ANGPT2: variants seen among roughly 807,000 people sequenced by gnomAD.
ANGPT2 encodes the protein angiopoietin-2.
Under a neutral mutation model 62.9 loss-of-function variants are expected in ANGPT2, and 28 were observed. The observed-to-expected ratio is 0.44, with a 90% CI of 0.33 to 0.61. ANGPT2 has a LOEUF of 0.61. Among genes scored for constraint, ANGPT2 ranks in the 20% least tolerant of loss-of-function variants. The pLI, the probability that ANGPT2 is intolerant of heterozygous loss-of-function variation, is 0.03. For missense variants in ANGPT2, 727 were observed against 594.9 expected (o/e 1.22, Z -2.31); for synonymous variants, 284 against 207.8 (o/e 1.37, Z -3.15).
chr8:6,540,718 C>G (rs1821397787), intron 1 of ANGPT2, among the ~76,000 whole-genome samples: 1 of 152,288 alleles, frequency 6.6e-6, no homozygotes, highest in Non-Finnish European at 1.5e-5. Context: ...ACTGCCTTAG[C>G]TTGGGTTTCC....
chr8:6,519,735 T>C, intron 5 of ANGPT2, 129 bp downstream of exon 5: 1 of 1,163,074 alleles, frequency 8.6e-7, no homozygotes, highest in South Asian at 2.3e-5. Context: ...AGCTGCCCAG[T>C]AACTATGGCT....
At chr8:6,509,169 C>T (rs1814416815) in intron 7 of ANGPT2, 107 bp from the exon 8 acceptor site, 2 of 1,399,184 alleles carry the variant, frequency 1.4e-6, no homozygotes, top group African/African-American at 2.9e-5. Flanking sequence ...GTGTTCTGTA[C>T]TCGTTAATGG....
Position 6,556,877 on chromosome 8 carries a change from C to T in ANGPT2, c.288+5770G>A, listed in dbSNP as rs1226727052. ...GCTCTAGGATTACAGGTGTGAGGCA[C>T]TGTGCCTGGCTTTAGGCATTTTCTT... On this transcript the variant is annotated intron_variant, in intron 1 of 8. Transcript: ENST00000629816. 2.6e-5 allele frequency among the ~76,000 whole-genome samples: 4 copies of T among 152,184 alleles called. No homozygotes were observed. In the East Asian group the frequency reaches 5.8e-4, roughly 22 times the overall value.
chr8:6,513,895 A>G (rs1251555837), intron 6 of ANGPT2, 51 bp from the exon 7 acceptor site: 1 of 1,524,390 alleles, frequency 6.6e-7, no homozygotes, highest in Non-Finnish European at 8.9e-7. Flanking sequence ...TTTTCTTTGT[A>G]TATTTGAAGT....
Position 6,527,663 on chromosome 8 carries a change from G to A in ANGPT2, c.458C>T (p.Thr153Ile), listed in dbSNP as rs748520064. 1.9e-6 allele frequency: 3 copies of A among 1,613,574 alleles called. No individual in the cohort carries two copies. Among genetic ancestry groups the A allele is most frequent in the African/African-American group, 1.3e-5 (1 of 75,000 alleles). Residue 153 changes from threonine (T) to isoleucine (I), a missense_variant, in exon 3 of 9, where the codon ACC becomes ATC. Transcript: ENST00000629816. ...TDVEAQVLNQ[T>I]TRLELQLLEH... ...CAAGAGCTGAAGTTCAAGTCTCGTGGTCTGATTTAATACCTAAATGTAACA... is the reference window on the plus strand; with the variant it reads ...CAAGAGCTGAAGTTCAAGTCTCGTGATCTGATTTAATACCTAAATGTAACA...
chr8:6,501,545 TTTTC>T lies in ANGPT2; in HGVS notation c.*1552_*1555del, dbSNP rs1406414178. 4 of 151,244 alleles carry T rather than the reference TTTTC, an allele frequency of 2.6e-5. No individual in the cohort carries two copies. The highest frequency in any genetic ancestry group is 4.4e-5 in the Non-Finnish European group (3 of 67,888). The allele number at this position is 151,244 out of a possible 1,614,324, so 9.4% of individuals were successfully genotyped here. A position where few individuals can be genotyped will look rare whatever the true frequency, so the allele number is the denominator to read the frequency against. On this transcript the variant is annotated 3_prime_UTR_variant, in exon 9 of 9. Coordinates refer to ENST00000629816, the MANE Select transcript of ANGPT2 (RefSeq NM_001118887.2). The stretch of plus-strand genomic sequence containing the variant: ...TATAAAGCTGTGTTCTCAAATTTTC[TTTTC>T]TTTCTTTTTTTTTTTTTTTTTTTGA...
chr8:6,506,479 C>A (rs1225475618), intron 8 of ANGPT2, among the ~76,000 whole-genome samples: 4 of 152,114 alleles, frequency 2.6e-5, no homozygotes, highest in African/African-American at 9.7e-5. Context: ...TCCTACTCTC[C>A]TGAGAAGCTC....
chr8:6,562,734 C>T lies in ANGPT2; in HGVS notation c.201G>A (p.Arg67=). 2 of 1,613,808 alleles carry T rather than the reference C, an allele frequency of 1.2e-6. No homozygotes were observed. Among genetic ancestry groups the T allele is most frequent in the Non-Finnish European group, 1.7e-6 (2 of 1,179,976 alleles). Residue 67 remains arginine, a synonymous_variant, in exon 1 of 9, where the codon AGG becomes AGA. Coordinates refer to ENST00000629816, the MANE Select transcript of ANGPT2 (RefSeq NM_001118887.2). The part of the protein sequence containing the change: ...SSPYVSNAVQ[R]DAPLEYDDSV... Reference sequence around the variant, plus strand: ...AGTCATCGTATTCGAGCGGCGCGTCCCTCTGCACAGCATTGGACACGTAGG... The same window carrying T: ...AGTCATCGTATTCGAGCGGCGCGTCTCTCTGCACAGCATTGGACACGTAGG...
In ANGPT2 at chr8:6,527,588, G is replaced by C; in HGVS notation, c.533C>G (p.Thr178Ser). The change falls in exon 3 of 9, where the codon ACC becomes AGC. Residue 178 changes from threonine (T) to serine (S), a missense_variant. Thr to Ser is a moderately conservative substitution (Grantham distance 58, BLOSUM62 1). Transcript: ENST00000629816. ...NKLEKQILDQTSEINKLQDKN... is the reference protein window; with the variant it reads ...NKLEKQILDQSSEINKLQDKN... ...ATCTTGCAATTTGTTTATTTCACTG[G>C]TCTGGTCCAAAATCTGTTTTTCCAA... 2 of 1,613,916 alleles carry C rather than the reference G, an allele frequency of 1.2e-6. No individual in the cohort carries two copies. The highest frequency in any genetic ancestry group is 8.5e-7 in the Non-Finnish European group (1 of 1,179,958).
At chr8:6,544,845 T>C (rs4478599) in intron 1 of ANGPT2, among the ~76,000 whole-genome samples, 67,355 of 152,034 alleles carry the variant, frequency 0.44, 15,158 homozygotes, top group African/African-American at 0.49. Context: ...ACTCGAAATA[T>C]GTTTTGAGGC....
At chr8:6,554,166 C>G (rs1455618697) in intron 1 of ANGPT2, among the ~76,000 whole-genome samples, 3 of 150,110 alleles carry the variant, frequency 2.0e-5, no homozygotes, top group African/African-American at 7.4e-5. Context: ...GTCTTATCAC[C>G]AGATTAAACC....
chr8:6,515,595 G>A (rs917502897), intron 5 of ANGPT2, among the ~76,000 whole-genome samples: 6 of 152,092 alleles, frequency 3.9e-5, no homozygotes, highest in Non-Finnish European at 8.8e-5. Context: ...AACTCAGCTG[G>A]AGTTTTATTA....
intron 1 of ANGPT2, among the ~76,000 whole-genome samples, chr8:6,561,116 A>C (rs1267216422): frequency 1.3e-5 from 2 of 152,242 alleles, no homozygotes; most frequent in Admixed American, 6.5e-5. Flanking sequence ...ACATATTTCA[A>C]CCTGTGTTGC....
chr8:6,509,696 T>C (rs1440766039), intron 7 of ANGPT2, among the ~76,000 whole-genome samples: 1 of 152,244 alleles, frequency 6.6e-6, no homozygotes, highest in Non-Finnish European at 1.5e-5. Flanking sequence ...GGCTATGTTC[T>C]GATAAGCCCA....
intron 5 of ANGPT2, 127 bp from the exon 6 acceptor site, chr8:6,514,905 C>G: frequency 2.9e-6 from 2 of 677,984 alleles, no homozygotes; most frequent in Admixed American, 4.8e-5. Flanking sequence ...ATATAAGGCA[C>G]GGAGTAGACC....
chr8:6,560,441 G>A (rs1825347089), intron 1 of ANGPT2, among the ~76,000 whole-genome samples: 1 of 152,188 alleles, frequency 6.6e-6, no homozygotes, highest in Non-Finnish European at 1.5e-5. Flanking sequence ...AAAACAAACA[G>A]TGAGGTTACA....
At chr8:6,560,967 A>C (rs969172890) in intron 1 of ANGPT2, among the ~76,000 whole-genome samples, 1 of 152,222 alleles carries the variant, frequency 6.6e-6, no homozygotes, top group African/African-American at 2.4e-5. Flanking sequence ...TAGAATATTT[A>C]CTGCAGTGCA....
At chr8:6,532,229 G>T in intron 2 of ANGPT2, 103 bp downstream of exon 2, 2 of 1,325,420 alleles carry the variant, frequency 1.5e-6, no homozygotes, top group Non-Finnish European at 2.1e-6. Context: ...CTGTGGTGGT[G>T]CTTTCTTTAG....
chr8:6,559,732 G>T (rs1003185056), intron 1 of ANGPT2, among the ~76,000 whole-genome samples: 3 of 152,152 alleles, frequency 2.0e-5, no homozygotes, highest in Non-Finnish European at 4.4e-5. Flanking sequence ...TAAATTATTT[G>T]TGAGTTTTTA....
Sources: allele counts gnomAD v4.1 joint callset (sites outside exome capture counted in the v4.1 genomes callset), GRCh38; gene constraint gnomAD v4.1.1; transcripts MANE v1.5; gene names NCBI Gene and HGNC (gene_info 2026-07-23, HGNC 2026-07-21).